Variants in SLC25A26 observed in about 807,000 individuals in gnomAD.
SLC25A26 encodes the protein solute carrier family 25 member 26, also known as mitochondrial S-adenosylmethionine carrier protein.
A neutral mutation model predicts 37.8 loss-of-function variants in SLC25A26; 36 were observed. That is an observed-to-expected ratio of 0.95 (90% CI 0.73 to 1.26). The LOEUF is 1.26. SLC25A26 is among the 50% of genes most tolerant of loss of function. The pLI is 0.00. For missense variants in SLC25A26, 390 were observed against 331.1 expected (o/e 1.18, Z -1.38); for synonymous variants, 129 against 122.5 (o/e 1.05, Z -0.35).
Position 66,334,818 on chromosome 3 carries a change from G to T in SLC25A26, c.454-11546G>T, listed in dbSNP as rs529533577. The stretch of plus-strand genomic sequence containing the variant: ...CATGTAATGTGACTGGGAAATACAC[G>T]TGTGATGTATGCCACCGAGATTTGA... On this transcript the variant is annotated intron_variant, in intron 5 of 9. Coordinates refer to ENST00000354883, the MANE Select transcript of SLC25A26 (RefSeq NM_001379210.1). Among the ~76,000 whole-genome samples the T allele has an allele frequency of 1.0e-4, 15 of 150,596 alleles. No homozygotes were observed. In the South Asian group the frequency reaches 3.2e-3, roughly 32 times the overall value.
chr3:66,281,668 A>C (rs2074342413), intron 5 of SLC25A26, among the ~76,000 whole-genome samples: 1 of 152,166 alleles, frequency 6.6e-6, no homozygotes. Context: ...AAGTGTGTGC[A>C]ATCACCACCA....
At chr3:66,147,003 T>C (rs528031168) in intron 1 of SLC25A26, among the ~76,000 whole-genome samples, 3 of 150,410 alleles carry the variant, frequency 2.0e-5, no homozygotes, top group African/African-American at 7.3e-5. Flanking sequence ...AATGACATTG[T>C]TTCATTCCCT....
intron 1 of SLC25A26, among the ~76,000 whole-genome samples, chr3:66,141,239 T>G (rs890545359): frequency 6.6e-6 from 1 of 151,290 alleles, no homozygotes; most frequent in Non-Finnish European, 1.5e-5. Flanking sequence ...TATAATTACA[T>G]GTACATCTTC....
intron 1 of SLC25A26, among the ~76,000 whole-genome samples, chr3:66,169,024 C>G (rs1357803598): frequency 6.6e-6 from 1 of 152,104 alleles, no homozygotes; most frequent in Non-Finnish European, 1.5e-5. Context: ...ACTTGGGAGG[C>G]TGAGGCAGGA....
chr3:66,164,235 T>A (rs1158053501), intron 1 of SLC25A26, among the ~76,000 whole-genome samples: 8 of 152,222 alleles, frequency 5.3e-5, no homozygotes, highest in African/African-American at 1.4e-4. Flanking sequence ...TAAAGATACT[T>A]GAAATTTTCT....
Position 66,269,249 on chromosome 3 carries a change from G to C in SLC25A26, c.453+5870G>C, listed in dbSNP as rs533731736. Among the ~76,000 whole-genome samples, 7 of 152,272 alleles carry C rather than the reference G, an allele frequency of 4.6e-5. No individual in the cohort carries two copies. In the East Asian group the frequency reaches 1.4e-3, roughly 29 times the overall value. On this transcript the variant is annotated intron_variant, in intron 5 of 9. Coordinates refer to ENST00000354883, the MANE Select transcript of SLC25A26 (RefSeq NM_001379210.1). ...AATTAAACCTGCTTTTAGGTTGTTG[G>C]GTTCTTTAACAGGGCTGCAACCTTG...
chr3:66,190,713 G>A (rs1199619053), intron 1 of SLC25A26, among the ~76,000 whole-genome samples: 1 of 152,228 alleles, frequency 6.6e-6, no homozygotes, highest in Non-Finnish European at 1.5e-5. Flanking sequence ...ACAGGCATGA[G>A]CCACTGTGCC....
At chr3:66,348,363 T>C (rs915692024) in intron 6 of SLC25A26, among the ~76,000 whole-genome samples, 3 of 152,216 alleles carry the variant, frequency 2.0e-5, no homozygotes, top group Admixed American at 1.3e-4. Flanking sequence ...ATGAATGTTA[T>C]GCATGCGTGC....
intron 1 of SLC25A26, among the ~76,000 whole-genome samples, chr3:66,139,880 C>T (rs1205687379): frequency 6.6e-6 from 1 of 152,100 alleles, no homozygotes; most frequent in Non-Finnish European, 1.5e-5. Context: ...AGCATAAACA[C>T]TAAATTAGTT....
intron 1 of SLC25A26, among the ~76,000 whole-genome samples, chr3:66,210,183 G>A (rs950513198): frequency 5.2e-4 from 79 of 150,968 alleles, no homozygotes; most frequent in African/African-American, 1.8e-3. Flanking sequence ...CTGAGTATTC[G>A]GTGGCAAACT....
chr3:66,258,248 C>G (rs1049082975), intron 3 of SLC25A26, among the ~76,000 whole-genome samples: 3 of 152,068 alleles, frequency 2.0e-5, no homozygotes, highest in Non-Finnish European at 4.4e-5. Flanking sequence ...GGCCTGTTCT[C>G]CTTGCCTTCA....
intron 5 of SLC25A26, among the ~76,000 whole-genome samples, chr3:66,264,221 A>C (rs62246872): frequency 1.3e-5 from 2 of 152,022 alleles, no homozygotes; most frequent in Non-Finnish European, 2.9e-5. Flanking sequence ...GCAGTGAGCC[A>C]AGATCGTGCC....
chr3:66,195,807 C>G (rs1225204579), intron 1 of SLC25A26, among the ~76,000 whole-genome samples: 1 of 152,154 alleles, frequency 6.6e-6, no homozygotes, highest in Non-Finnish European at 1.5e-5. Context: ...AATTTGGTGA[C>G]AAAAGAAACC....
chr3:66,331,756 A>C (rs2075979354), intron 5 of SLC25A26, among the ~76,000 whole-genome samples: 1 of 152,122 alleles, frequency 6.6e-6, no homozygotes. Context: ...AGAAATGTTT[A>C]TATGCCATTA....
intron 1 of SLC25A26, among the ~76,000 whole-genome samples, chr3:66,170,759 C>G (rs2106730903): frequency 6.7e-6 from 1 of 149,046 alleles, no homozygotes; most frequent in East Asian, 2.0e-4. Context: ...TGAAGCCCAG[C>G]ACACAGCAAA....
Position 66,138,080 on chromosome 3 carries a change from C to T in SLC25A26, c.-354+4096C>T, listed in dbSNP as rs569765770. Among the ~76,000 whole-genome samples, 12 of 151,858 alleles carry T rather than the reference C, an allele frequency of 7.9e-5. No individual in the cohort carries two copies. In the East Asian group the frequency reaches 9.8e-4, roughly 12 times the overall value. Reference sequence around the variant, plus strand: ...AACTCCTGACCTCAAGTGATCCACCCGCCTCAGCCTCCCAAAGTGCTGGGA... The same window carrying T: ...AACTCCTGACCTCAAGTGATCCACCTGCCTCAGCCTCCCAAAGTGCTGGGA... On this transcript the variant is annotated intron_variant, in intron 1 of 10. Transcript: ENST00000676754.
At chr3:66,142,364 C>T (rs1410155165) in intron 1 of SLC25A26, among the ~76,000 whole-genome samples, 2 of 152,200 alleles carry the variant, frequency 1.3e-5, no homozygotes, top group Admixed American at 6.5e-5. Flanking sequence ...AAATATGGCA[C>T]CTTGGCATTT....
At chr3:66,247,309 A>G (rs1180054280) in intron 3 of SLC25A26, among the ~76,000 whole-genome samples, 1 of 152,094 alleles carries the variant, frequency 6.6e-6, no homozygotes, top group Non-Finnish European at 1.5e-5. Context: ...GCACACACAC[A>G]TATTTACAAA....
intron 1 of SLC25A26, among the ~76,000 whole-genome samples, chr3:66,186,602 A>G (rs1317640332): frequency 6.6e-6 from 1 of 152,014 alleles, no homozygotes; most frequent in East Asian, 1.9e-4. Context: ...TTGACCATCA[A>G]TCTGACCCAG....
Sources: gnomAD v4.1 joint callset for allele counts (sites outside exome capture counted in the v4.1 genomes callset) on GRCh38, gnomAD v4.1.1 for gene constraint, MANE v1.5 for transcripts, NCBI Gene and HGNC (gene_info 2026-07-23, HGNC 2026-07-21) for gene names.